Variants in LAMC3 observed in about 807,000 individuals in gnomAD.
LAMC3 encodes the protein laminin subunit gamma 3.
A neutral mutation model predicts 173.8 loss-of-function variants in LAMC3; 128 were observed. The observed-to-expected ratio is 0.74, with a 90% CI of 0.64 to 0.85. The LOEUF (loss-of-function observed/expected upper bound fraction) is 0.85, where lower values mean the gene tolerates loss of function less well. LAMC3 is among the 40% of genes least tolerant of loss of function. The pLI is 0.00. For missense variants in LAMC3, 2,022 were observed against 2,156.0 expected (o/e 0.94, Z 1.23); for synonymous variants, 897 against 909.1 (o/e 0.99, Z 0.24).
intron 27 of LAMC3, 124 bp downstream of exon 27, chr9:131,087,941 C>A: frequency 1.3e-6 from 1 of 785,076 alleles, no homozygotes; most frequent in Admixed American, 2.0e-5. Flanking sequence ...TTCCCGCATC[C>A]CCATCTTTGT....
intron 1 of LAMC3, among the ~76,000 whole-genome samples, chr9:131,013,651 C>T (rs942900227): frequency 5.9e-5 from 9 of 152,154 alleles, no homozygotes; most frequent in Admixed American, 3.3e-4. Context: ...CTGGTGCGCA[C>T]GAGCCTCATC....
At position 131,077,821 on chromosome 9, in the gene LAMC3, C is replaced by T. The variant is rs146506344; in HGVS notation, c.3777+487C>T. ...CAAATGATATAACCTACCTATGGGG[C>T]TTGGCAGAGTCAGAGCTCAACCATT... On this transcript the variant is annotated intron_variant, in intron 22 of 27. Transcript: ENST00000361069. 3.5e-4 allele frequency among the ~76,000 whole-genome samples: 53 copies of T among 151,246 alleles called. No homozygotes were observed. In the East Asian group the frequency reaches 0.01, roughly 29 times the overall value.
chr9:131,058,276 C>CG (rs1829734329), intron 12 of LAMC3, among the ~76,000 whole-genome samples: 2 of 152,024 alleles, frequency 1.3e-5, no homozygotes, highest in African/African-American at 4.8e-5. Flanking sequence ...TCACCATCCT[C>CG]GGCTAATTTT....
At chr9:131,017,035 A>G (rs1477095817) in intron 1 of LAMC3, among the ~76,000 whole-genome samples, 2 of 152,206 alleles carry the variant, frequency 1.3e-5, no homozygotes, top group Non-Finnish European at 2.9e-5. Context: ...CCAACCCCTT[A>G]AAAGAAAGCG....
chr9:131,062,852 G>A (rs1246449613), intron 13 of LAMC3, among the ~76,000 whole-genome samples: 1 of 150,466 alleles, frequency 6.6e-6, no homozygotes, highest in African/African-American at 2.5e-5. Context: ...CTGGGTGACA[G>A]AGCAAGACTC....
In LAMC3 at chr9:131,052,915, C is replaced by G; in HGVS notation, c.1889C>G (p.Ala630Gly). The change falls in exon 11 of 28, where the codon GCC becomes GGC. Residue 630 changes from alanine to glycine, a missense_variant. Transcript: ENST00000361069. Reference protein sequence around the residue: ...LPPFHFQRLLANLTSLRLRVS... With the variant: ...LPPFHFQRLLGNLTSLRLRVS... ...CCCTTCCACTTCCAGCGGCTCCTCG[C>G]CAACCTGACCAGCCTCCGCCTCCGC... 1 of 1,613,930 alleles carries G rather than the reference C, an allele frequency of 6.2e-7. No homozygotes were observed. Among genetic ancestry groups the G allele is most frequent in the Non-Finnish European group, 8.5e-7 (1 of 1,180,032 alleles).
At chr9:131,069,999 C>T in intron 17 of LAMC3, 149 bp downstream of exon 17, 1 of 832,538 alleles carries the variant, frequency 1.2e-6, no homozygotes, top group South Asian at 1.5e-5. Context: ...GCCCACCCAG[C>T]TTCAGGCCTG....
chr9:131,038,609 G>A (rs1353319471), intron 4 of LAMC3, among the ~76,000 whole-genome samples: 1 of 152,128 alleles, frequency 6.6e-6, no homozygotes, highest in Non-Finnish European at 1.5e-5. Context: ...TGCCTGGGAT[G>A]GTCTTCTTTC....
intron 25 of LAMC3, among the ~76,000 whole-genome samples, chr9:131,086,022 C>T (rs112952713): frequency 1.3e-5 from 2 of 152,192 alleles, no homozygotes; most frequent in Non-Finnish European, 2.9e-5. Flanking sequence ...TTTTTCTTTT[C>T]TTTTTTGTTA....
chr9:131,079,618 C>T (rs1455539822), intron 23 of LAMC3, among the ~76,000 whole-genome samples: 1 of 152,070 alleles, frequency 6.6e-6, no homozygotes, highest in Non-Finnish European at 1.5e-5. Flanking sequence ...CGCTTGAACC[C>T]AGGAGGTGGA....
chr9:131,073,606 A>C (rs1441127349), intron 20 of LAMC3, among the ~76,000 whole-genome samples: 7 of 152,160 alleles, frequency 4.6e-5, no homozygotes, highest in African/African-American at 1.7e-4. Context: ...GGTATAGTTC[A>C]CACTATACAG....
chr9:131,037,185 C>T (rs1833962252), intron 4 of LAMC3, among the ~76,000 whole-genome samples: 1 of 152,196 alleles, frequency 6.6e-6, no homozygotes, highest in Non-Finnish European at 1.5e-5. Context: ...GGCTGGCTTC[C>T]ACTGTCCCAG....
chr9:131,009,320 C>G lies in LAMC3; in HGVS notation c.106C>G (p.Leu36Val), dbSNP rs1833360155. 1.4e-6 allele frequency: 2 copies of G among 1,476,856 alleles called. No individual in the cohort carries two copies. Among genetic ancestry groups the G allele is most frequent in the South Asian group, 2.6e-5 (2 of 77,470 alleles). 91.5% of individuals were successfully genotyped at this position (1,476,856 alleles called of 1,614,324 possible). A position where few individuals can be genotyped will look rare whatever the true frequency, so the allele number is the denominator to read the frequency against. The change falls in exon 1 of 28, where the codon CTG becomes GTG. Residue 36 changes from leucine (L) to valine (V), a missense_variant. Leu to Val is a conservative substitution (Grantham distance 32). Coordinates refer to ENST00000361069, the MANE Select transcript of LAMC3 (RefSeq NM_006059.4). This position sits in a 1 kb window ranked among gnomAD's most constrained non-coding sequence, Gnocchi z 4.3. ...CGGCGCAGGGCGCCCGCAGCGCTGC[C>G]TGCCGGTGTTCGAGAACGCGGCGTT... ...YDGAGRPQRC[L>V]PVFENAAFGR... is the part of the protein sequence containing the mutation.
chr9:131,052,146 A>G (rs1834299695), intron 9 of LAMC3, among the ~76,000 whole-genome samples: 1 of 152,182 alleles, frequency 6.6e-6, no homozygotes, highest in Non-Finnish European at 1.5e-5. Context: ...AATGCTACAC[A>G]TGAGCAGACG....
intron 1 of LAMC3, among the ~76,000 whole-genome samples, chr9:131,010,103 G>A (rs987951538): frequency 2.1e-5 from 3 of 144,650 alleles, no homozygotes; most frequent in Non-Finnish European, 3.0e-5. Context: ...GCCGTGAGCC[G>A]AGGTCGCACC....
rs1426385641 is a variant in LAMC3 at position 131,057,024 on chromosome 9, T to C, written c.2035T>C (p.Tyr679His). 3 of 1,614,118 alleles carry C rather than the reference T, an allele frequency of 1.9e-6. No individual in the cohort carries two copies. ...WVEICSCPTG[Y>H]TGQFCESCAP... The stretch of plus-strand genomic sequence containing the variant: ...GGAGATTTGTTCATGTCCCACTGGC[T>C]ACACGGGCCAGTTCTGTGAATCCTG... The change falls in exon 12 of 28, where the codon TAC becomes CAC. Residue 679 changes from tyrosine (Y) to histidine (H), a missense_variant. Physicochemically the swap from Tyr to His is moderately conservative, Grantham distance 83. Transcript: ENST00000361069.
chr9:131,021,610 G>C (rs1007069067), intron 1 of LAMC3, among the ~76,000 whole-genome samples: 2 of 152,160 alleles, frequency 1.3e-5, no homozygotes, highest in African/African-American at 4.8e-5. Flanking sequence ...AGCGGTACCA[G>C]CTGGGTGTCC....
intron 27 of LAMC3, among the ~76,000 whole-genome samples, chr9:131,088,979 G>A (rs1169955968): frequency 6.6e-6 from 1 of 152,074 alleles, no homozygotes; most frequent in South Asian, 2.1e-4. Context: ...CAGCTACACA[G>A]GAGGCTGAGG....
intron 3 of LAMC3, among the ~76,000 whole-genome samples, chr9:131,032,437 T>TCCTCCCTCCCTC (rs962434842): frequency 6.6e-6 from 1 of 150,878 alleles, no homozygotes; most frequent in Non-Finnish European, 1.5e-5. Flanking sequence ...GTTCCTTCCT[T>TCCTCCCTCCCTC]CCTCCCTCCC....
Sources: gnomAD v4.1 joint callset for allele counts (sites outside exome capture counted in the v4.1 genomes callset) on GRCh38, gnomAD v4.1.1 for gene constraint, Gnocchi (gnomAD v3.1) non-coding constraint, MANE v1.5 for transcripts, NCBI Gene and HGNC (gene_info 2026-07-23, HGNC 2026-07-21) for gene names.